Variants in RBM12 observed in about 807,000 individuals in gnomAD.
RBM12 encodes RNA binding motif protein 12, also known as RNA-binding protein 12.
RBM12 carries 24 observed loss-of-function variants against 37.2 expected under a neutral mutation model. The observed-to-expected ratio is 0.65, with a 90% CI of 0.47 to 0.91. The LOEUF (loss-of-function observed/expected upper bound fraction) is 0.91. Among genes scored for constraint, RBM12 ranks in the 40% least tolerant of loss-of-function variants. The pLI is 0.00. For missense variants in RBM12, 1,061 were observed against 1,183.2 expected (o/e 0.90, Z 1.52); for synonymous variants, 420 against 425.2 (o/e 0.99, Z 0.15).
In RBM12 at chr20:35,655,344, C is replaced by T; in HGVS notation, c.-22G>A. On this transcript the variant is annotated splice_region_variant and 5_prime_UTR_variant, in exon 3 of 3. In the 5' UTR this introduces an upstream ATG that the reference lacks. Coordinates refer to ENST00000374114, the MANE Select transcript of RBM12 (RefSeq NM_006047.6). Reference sequence around the variant, plus strand: ...CCATGCTGCGCTGAAACCACACACACCTGCAGATGAGAAAAGGCAACGGCC... The same window carrying T: ...CCATGCTGCGCTGAAACCACACACATCTGCAGATGAGAAAAGGCAACGGCC... 6.3e-7 allele frequency: 1 copy of T among 1,586,902 alleles called. No individual in the cohort carries two copies.
chr20:35,653,629 T>C lies in RBM12; in HGVS notation c.1694A>G (p.Glu565Gly). 3 of 1,614,208 alleles carry C rather than the reference T, an allele frequency of 1.9e-6. No homozygotes were observed. The highest frequency in any genetic ancestry group is 2.5e-6 in the Non-Finnish European group (3 of 1,180,040). ...AGCATTTTCATCCACTGGGATTCCTTCTAGGAACTGAAGAACATCCATCTT... is the reference window on the plus strand; with the variant it reads ...AGCATTTTCATCCACTGGGATTCCTCCTAGGAACTGAAGAACATCCATCTT... ...ITKMDVLQFL[E>G]GIPVDENAVH... Residue 565 changes from glutamate to glycine, a missense_variant, in exon 3 of 3, where the codon GAA becomes GGA. Coordinates refer to ENST00000374114, the MANE Select transcript of RBM12 (RefSeq NM_006047.6).
chr20:35,652,265 T>G lies in RBM12; in HGVS notation c.*259A>C. On this transcript the variant is annotated 3_prime_UTR_variant, in exon 3 of 3. Coordinates refer to ENST00000374114, the MANE Select transcript of RBM12 (RefSeq NM_006047.6). ...GATAAGCTTTATGTGGTCATTTGAG[T>G]TTTACAAATGGTTTCTCTAATGGTA... 2.9e-6 allele frequency: 1 copy of G among 347,272 alleles called. No homozygotes were observed. The highest frequency in any genetic ancestry group is 5.2e-6 in the Non-Finnish European group (1 of 191,264). The allele number at this position is 347,272 out of a possible 1,614,324, so 21.5% of individuals were successfully genotyped here.
In RBM12 at chr20:35,661,489, C is replaced by A. The variant is rs370560559; in HGVS notation, c.-107-2475G>T. Among the ~76,000 whole-genome samples the A allele has an allele frequency of 4.6e-5, 7 of 152,252 alleles. No homozygotes were observed. In the East Asian group the frequency reaches 1.3e-3, roughly 29 times the overall value. On this transcript the variant is annotated intron_variant, in intron 1 of 2. Coordinates refer to ENST00000374114, the MANE Select transcript of RBM12 (RefSeq NM_006047.6). ...TAATGATAGGAAAGGAGAAAATGGGCCTGATTTGTCATTAAAGCCACTGAT... is the reference window on the plus strand; with the variant it reads ...TAATGATAGGAAAGGAGAAAATGGGACTGATTTGTCATTAAAGCCACTGAT...
In RBM12 at chr20:35,655,179, G is replaced by C. The variant is rs1321995975; in HGVS notation, c.144C>G (p.Ala48=). The part of the protein sequence containing the change: ...GELGEAFIVF[A]TDEDARLGMM... ...TACCAAGCCTTGCATCTTCATCAGTGGCAAAAACGATGAAAGCCTCACCCA... is the reference window on the plus strand; with the variant it reads ...TACCAAGCCTTGCATCTTCATCAGTCGCAAAAACGATGAAAGCCTCACCCA... The change falls in exon 3 of 3, where the codon GCC becomes GCG. Residue 48 remains alanine, a synonymous_variant. Coordinates refer to ENST00000374114, the MANE Select transcript of RBM12 (RefSeq NM_006047.6). 10 of 1,614,094 alleles carry C rather than the reference G, an allele frequency of 6.2e-6. No homozygotes were observed. The highest frequency in any genetic ancestry group is 7.6e-6 in the Non-Finnish European group (9 of 1,180,020).
rs1264959656 is a variant in RBM12 at position 35,652,555 on chromosome 20, C to T, written c.2768G>A (p.Gly923Asp). 6.2e-7 allele frequency: 1 copy of T among 1,613,002 alleles called. No individual in the cohort carries two copies. The change falls in exon 3 of 3, where the codon GGT (glycine) becomes GAT (aspartate). Residue 923 changes from glycine (G) to aspartate (D), a missense_variant. Physicochemically the swap from Gly to Asp is moderately conservative, Grantham distance 94 (BLOSUM62 -1). This residue lies in a region of RBM12 where 517 missense variants were observed against 534.0 expected (regional missense o/e 0.97). Coordinates refer to ENST00000374114, the MANE Select transcript of RBM12 (RefSeq NM_006047.6). ...TAATACAAGTTTTACTTTTCTTGAA[C>T]CTATAGGCCTGTCATTTAAGTCAAT... is the stretch of plus-strand genomic sequence containing the variant. ...AVIDLNDRPI[G>D]SRKVKLVLG
At position 35,652,840 on chromosome 20, in the gene RBM12, C is replaced by T; in HGVS notation, c.2483G>A (p.Gly828Asp). The T allele has an allele frequency of 6.2e-7, 1 of 1,608,608 alleles. No individual in the cohort carries two copies. Among genetic ancestry groups the T allele is most frequent in the Non-Finnish European group, 8.5e-7 (1 of 1,177,366 alleles). Residue 828 changes from glycine to aspartate, a missense_variant, in exon 3 of 3, where the codon GGC (glycine) becomes GAC (aspartate). Transcript: ENST00000374114. ...GCCAGGGCCGGGGCCGGGGCCGGGGCCAGGCCCAAAAGCTGGTGGCCCACC... is the reference window on the plus strand; with the variant it reads ...GCCAGGGCCGGGGCCGGGGCCGGGGTCAGGCCCAAAAGCTGGTGGCCCACC... Reference protein sequence around the residue: ...HLGGPPAFGPGPGPGPGPGPI... With the variant: ...HLGGPPAFGPDPGPGPGPGPI...
chr20:35,652,541 T>A lies in RBM12; in HGVS notation c.2782A>T (p.Lys928Ter). ...NDRPIGSRKV[K>*]LVLG The stretch of plus-strand genomic sequence containing the variant: ...GTGAATGGCTACCCTAATACAAGTT[T>A]TACTTTTCTTGAACCTATAGGCCTG... Residue 928 changes from lysine (K) to a stop codon, truncating the protein, a stop_gained, in exon 3 of 3, where the codon AAA becomes TAA. Coordinates refer to ENST00000374114, the MANE Select transcript of RBM12 (RefSeq NM_006047.6). LOFTEE classifies it high-confidence loss of function. 1 of 1,610,942 alleles carries A rather than the reference T, an allele frequency of 6.2e-7. No individual in the cohort carries two copies. The highest frequency in any genetic ancestry group is 8.5e-7 in the Non-Finnish European group (1 of 1,179,054).
intron 1 of RBM12, among the ~76,000 whole-genome samples, chr20:35,660,531 G>A (rs970360416): frequency 3.3e-5 from 5 of 152,044 alleles, no homozygotes; most frequent in African/African-American, 9.7e-5. Context: ...GCCTAACTAA[G>A]TCTAAGGAGT....
Position 35,653,634 on chromosome 20 carries a change from G to C in RBM12, c.1689C>G (p.Phe563Leu). 1.1e-5 allele frequency: 18 copies of C among 1,614,130 alleles called. No homozygotes were observed. The highest frequency in any genetic ancestry group is 1.5e-5 in the Non-Finnish European group (18 of 1,180,042). Residue 563 changes from phenylalanine (F) to leucine (L), a missense_variant, in exon 3 of 3, where the codon TTC (phenylalanine) becomes TTG (leucine). This residue lies in a region of RBM12 where 517 missense variants were observed against 534.0 expected (regional missense o/e 0.97). Coordinates refer to ENST00000374114, the MANE Select transcript of RBM12 (RefSeq NM_006047.6). ...TTTCATCCACTGGGATTCCTTCTAG[G>C]AACTGAAGAACATCCATCTTTGTAA... Reference protein sequence around the residue: ...FSITKMDVLQFLEGIPVDENA... With the variant: ...FSITKMDVLQLLEGIPVDENA...
chr20:35,656,460 G>A (rs2033902541), intron 2 of RBM12, among the ~76,000 whole-genome samples: 1 of 152,162 alleles, frequency 6.6e-6, no homozygotes, highest in African/African-American at 2.4e-5. Flanking sequence ...ATTGGGCCTG[G>A]GAAACATACT....
In RBM12 at chr20:35,650,303, T is replaced by C. The variant is rs561073464; in HGVS notation, c.*2221A>G. On this transcript the variant is annotated 3_prime_UTR_variant, in exon 3 of 3. Transcript: ENST00000374114. Reference sequence around the variant, plus strand: ...TCCTTTTCAGCATTTATCTAAGATGTAGAAATAACAAAGTAGTTGCAATAA... The same window carrying C: ...TCCTTTTCAGCATTTATCTAAGATGCAGAAATAACAAAGTAGTTGCAATAA... 6.6e-6 allele frequency: 1 copy of C among 152,372 alleles called. No individual in the cohort carries two copies. Among genetic ancestry groups the C allele is most frequent in the East Asian group, 1.9e-4 (1 of 5,196 alleles). 9.4% of individuals were successfully genotyped at this position (152,372 alleles called of 1,614,324 possible).
At chr20:35,663,696 C>A (rs1244911803) in intron 1 of RBM12, among the ~76,000 whole-genome samples, 2 of 152,174 alleles carry the variant, frequency 1.3e-5, no homozygotes, top group African/African-American at 4.8e-5. Context: ...GTAACCCTCA[C>A]AAGAGCCCCT....
Position 35,651,998 on chromosome 20 carries a change from A to C in RBM12, c.*526T>G, listed in dbSNP as rs754241751. 6.5e-6 allele frequency: 1 copy of C among 152,718 alleles called. No homozygotes were observed. The highest frequency in any genetic ancestry group is 1.5e-5 in the Non-Finnish European group (1 of 68,192). The allele number at this position is 152,718 out of a possible 1,614,324, so 9.5% of individuals were successfully genotyped here. The stretch of plus-strand genomic sequence containing the variant: ...TGTCTATACAGCAAGGACCCTTAAG[A>C]AGCAATAAAGGTACATACAATGAAT... On this transcript the variant is annotated 3_prime_UTR_variant, in exon 3 of 3. Transcript: ENST00000374114.
At chr20:35,659,403 G>T (rs2034105759) in intron 1 of RBM12, among the ~76,000 whole-genome samples, 1 of 152,176 alleles carries the variant, frequency 6.6e-6, no homozygotes, top group Non-Finnish European at 1.5e-5. Context: ...AATTTGTGAT[G>T]AAAAGGCACA....
At position 35,653,319 on chromosome 20, in the gene RBM12, G is replaced by A. The variant is rs145185010; in HGVS notation, c.2004C>T (p.Pro668=). 295 of 1,613,510 alleles carry A rather than the reference G, an allele frequency of 1.8e-4. No individual in the cohort carries two copies. Among genetic ancestry groups the A allele is most frequent in the Non-Finnish European group, 2.3e-4 (276 of 1,179,840 alleles). The change falls in exon 3 of 3, where the codon CCC becomes CCT. Residue 668 remains proline (P), a synonymous_variant. Coordinates refer to ENST00000374114, the MANE Select transcript of RBM12 (RefSeq NM_006047.6). The part of the protein sequence containing the change: ...PGVGLPSAGL[P]GAGLPSTGLP... ...GTCCTGTGCTGGGCAGGCCTGCACC[G>A]GGAAGTCCTGCACTGGGCAGTCCCA...
intron 1 of RBM12, among the ~76,000 whole-genome samples, chr20:35,660,463 C>T (rs1273760703): frequency 6.6e-6 from 1 of 152,180 alleles, no homozygotes; most frequent in East Asian, 1.9e-4. Context: ...AAGTGATCCA[C>T]CCGCCTCAGC....
chr20:35,659,848 C>T (rs1391373040), intron 1 of RBM12, among the ~76,000 whole-genome samples: 10 of 151,912 alleles, frequency 6.6e-5, no homozygotes, highest in Admixed American at 4.6e-4. Context: ...TCATTTTTTG[C>T]TTTTTATTTT....
intron 1 of RBM12, among the ~76,000 whole-genome samples, chr20:35,662,850 C>T (rs2034309671): frequency 6.6e-6 from 1 of 152,176 alleles, no homozygotes; most frequent in Non-Finnish European, 1.5e-5. Context: ...CTGGTATTAG[C>T]ATGTAACAAT....
chr20:35,657,432 ACAT>A (rs2033963699), intron 2 of RBM12, among the ~76,000 whole-genome samples: 1 of 152,214 alleles, frequency 6.6e-6, no homozygotes, highest in Non-Finnish European at 1.5e-5. Context: ...TATAGGGGAA[ACAT>A]CATGGGCAAT....
Sources: allele counts gnomAD v4.1 joint callset (sites outside exome capture counted in the v4.1 genomes callset), GRCh38; gene constraint gnomAD v4.1.1; regional missense constraint gnomAD v4.1.1; transcripts MANE v1.5; gene names NCBI Gene and HGNC (gene_info 2026-07-23, HGNC 2026-07-21).